TC2N: variants seen among roughly 807,000 people sequenced by gnomAD.
TC2N encodes tandem C2 domains, nuclear.
In TC2N, 51 loss-of-function variants were observed where a neutral mutation model predicts 61.9. The ratio of observed to expected loss-of-function variants is 0.82; its 90% confidence interval spans 0.66 to 1.04. The LOEUF is 1.04. TC2N is among the 50% of genes least tolerant of loss of function. The probability of loss-of-function intolerance (pLI) is 0.00; values close to 1 mark genes in which losing one functional copy is unlikely to be tolerated. For synonymous variants in TC2N, 204 were observed against 192.6 expected, an observed-to-expected ratio of 1.06 and a Z score of -0.49; for missense variants, 556 against 566.7, an observed-to-expected ratio of 0.98 and a Z score of 0.19.
intron 1 of TC2N, among the ~76,000 whole-genome samples, chr14:91,860,765 T>C (rs114398642): frequency 0.028 from 4,313 of 152,262 alleles, 208 homozygotes; most frequent in African/African-American, 0.099. Context: ...GAAAAAGTGG[T>C]CTGTAGTGAG....
intron 1 of TC2N, among the ~76,000 whole-genome samples, chr14:91,857,145 A>G (rs1032283317): frequency 1.3e-5 from 2 of 152,170 alleles, no homozygotes; most frequent in East Asian, 1.9e-4. Context: ...GGCCCTCATG[A>G]CAGAATTTCT....
At chr14:91,805,557 T>C (rs1349718629) in intron 3 of TC2N, among the ~76,000 whole-genome samples, 1 of 151,906 alleles carries the variant, frequency 6.6e-6, no homozygotes, top group East Asian at 1.9e-4. Context: ...CCCAGCTACT[T>C]GGGAGGCTGA....
intron 1 of TC2N, among the ~76,000 whole-genome samples, chr14:91,829,170 A>AT (rs1322353492): frequency 6.6e-6 from 1 of 151,984 alleles, no homozygotes; most frequent in Non-Finnish European, 1.5e-5. Flanking sequence ...CTTGCTGGAA[A>AT]TTCATTGAGA....
chr14:91,794,402 G>C (rs1005345826), intron 8 of TC2N, among the ~76,000 whole-genome samples: 1 of 152,132 alleles, frequency 6.6e-6, no homozygotes, highest in African/African-American at 2.4e-5. Flanking sequence ...CACAGTTATG[G>C]AGGAGAAGTC....
intron 11 of TC2N, among the ~76,000 whole-genome samples, chr14:91,784,081 T>C (rs758154890): frequency 6.6e-6 from 1 of 152,116 alleles, no homozygotes; most frequent in Non-Finnish European, 1.5e-5. Flanking sequence ...CTCCTAAGGC[T>C]ATACCAGATA....
chr14:91,821,333 G>A (rs1334905982), intron 1 of TC2N, among the ~76,000 whole-genome samples: 3 of 151,930 alleles, frequency 2.0e-5, no homozygotes, highest in Non-Finnish European at 4.4e-5. Context: ...ATAGTCAATT[G>A]ATGTTTAACA....
chr14:91,828,226 A>C (rs1887586915), intron 1 of TC2N, among the ~76,000 whole-genome samples: 1 of 152,208 alleles, frequency 6.6e-6, no homozygotes. Context: ...AATAATATAC[A>C]AAAGTATAGC....
At chr14:91,819,486 TAA>T (rs1275018984) in intron 1 of TC2N, among the ~76,000 whole-genome samples, 1 of 152,086 alleles carries the variant, frequency 6.6e-6, no homozygotes, top group Non-Finnish European at 1.5e-5. Context: ...GTAGGTGACA[TAA>T]AGACTTCTTC....
chr14:91,795,554 CAG>C (rs1885855810), intron 8 of TC2N, among the ~76,000 whole-genome samples: 1 of 152,132 alleles, frequency 6.6e-6, no homozygotes, highest in African/African-American at 2.4e-5. Context: ...GCTGAAGACT[CAG>C]ATGATCATTA....
chr14:91,819,816 G>T (rs1887166215), intron 1 of TC2N, among the ~76,000 whole-genome samples: 2 of 152,040 alleles, frequency 1.3e-5, no homozygotes, highest in Admixed American at 1.3e-4. Flanking sequence ...ATGTGATGTG[G>T]TATCATATCA....
chr14:91,809,140 G>A (rs753878443), intron 3 of TC2N, among the ~76,000 whole-genome samples: 18 of 152,174 alleles, frequency 1.2e-4, no homozygotes, highest in Non-Finnish European at 1.8e-4. Flanking sequence ...GCCAGGCATG[G>A]TAGCTCACGT....
At chr14:91,831,859 AT>A (rs1441377421) in intron 1 of TC2N, among the ~76,000 whole-genome samples, 1 of 152,214 alleles carries the variant, frequency 6.6e-6, no homozygotes, top group Non-Finnish European at 1.5e-5. Context: ...ATCAGACTAT[AT>A]TTTTATAATC....
chr14:91,820,688 A>G (rs776053451), intron 1 of TC2N, among the ~76,000 whole-genome samples: 37 of 143,176 alleles, frequency 2.6e-4, no homozygotes, highest in Middle Eastern at 3.7e-3. Context: ...TTCACAGACA[A>G]CAAGATCTTG....
intron 1 of TC2N, among the ~76,000 whole-genome samples, chr14:91,854,497 G>C (rs1423138491): frequency 9.0e-6 from 1 of 110,862 alleles, no homozygotes; most frequent in Non-Finnish European, 1.9e-5. Flanking sequence ...GTGGAGAGGA[G>C]GAGAAGGAGG....
chr14:91,853,675 C>T (rs72705327), intron 1 of TC2N, among the ~76,000 whole-genome samples: 2 of 45,090 alleles, frequency 4.4e-5, no homozygotes, highest in South Asian at 8.4e-4. Context: ...CACACACACA[C>T]ACACACACAC....
Position 91,780,341 on chromosome 14 carries a change from T to C in TC2N, c.*2759A>G, listed in dbSNP as rs1885034783. 1 of 152,230 alleles carries C rather than the reference T, an allele frequency of 6.6e-6. No individual in the cohort carries two copies. The highest frequency in any genetic ancestry group is 1.9e-4 in the East Asian group (1 of 5,200). 9.4% of individuals were successfully genotyped at this position (152,230 alleles called of 1,614,324 possible). ...AGTACATTAGTATCAGAGAAATTCA[T>C]GTAACTATATTTAAACAGAACTTCA... On this transcript the variant is annotated 3_prime_UTR_variant, in exon 12 of 12. Coordinates refer to ENST00000435962, the MANE Select transcript of TC2N (RefSeq NM_001128596.3).
rs1467296885 is a variant in TC2N at position 91,802,380 on chromosome 14, A to G, written c.343T>C (p.Ser115Pro). Residue 115 changes from serine to proline, a missense_variant, in exon 4 of 12, where the codon TCC becomes CCC. By Grantham distance (74) the Ser-to-Pro change is moderately conservative (BLOSUM62 -1). Coordinates refer to ENST00000435962, the MANE Select transcript of TC2N (RefSeq NM_001128596.3). ...ASFGDRKVEL[S>P]SSSQHGPSYD... ...CTAGGTCCGTGCTGGGATGAACTGG[A>G]AAGTTCTACCTTTCGATCTCCAAAA... 1.9e-6 allele frequency: 3 copies of G among 1,612,692 alleles called. No individual in the cohort carries two copies. Among genetic ancestry groups the G allele is most frequent in the African/African-American group, 2.7e-5 (2 of 74,842 alleles).
rs1887856086 is a variant in TC2N, at chr14:91,833,054, A to G, written c.-56-19229T>C. ...TTTGGAATGCATAGACATGTGGTAAAACCATATAGAGAATCAAGGAGAGTG... is the reference window on the plus strand; with the variant it reads ...TTTGGAATGCATAGACATGTGGTAAGACCATATAGAGAATCAAGGAGAGTG... On this transcript the variant is annotated intron_variant, in intron 1 of 11. Transcript: ENST00000435962. Among the ~76,000 whole-genome samples the G allele has an allele frequency of 6.6e-5, 10 of 152,326 alleles. No individual in the cohort carries two copies. The South Asian group carries it at 1.9e-3, about 28-fold the overall frequency.
intron 1 of TC2N, among the ~76,000 whole-genome samples, chr14:91,827,591 C>A (rs1017029079): frequency 6.6e-6 from 1 of 152,204 alleles, no homozygotes; most frequent in Admixed American, 6.5e-5. Context: ...AACCTGGATA[C>A]TCCATAATCC....
Sources: gnomAD v4.1 joint callset for allele counts (sites outside exome capture counted in the v4.1 genomes callset) on GRCh38, gnomAD v4.1.1 for gene constraint, MANE v1.5 for transcripts, NCBI Gene and HGNC (gene_info 2026-07-23, HGNC 2026-07-21) for gene names.